Variants in NRBP1 observed in about 807,000 individuals in gnomAD.
NRBP1 encodes the protein nuclear receptor-binding protein.
Under a neutral mutation model 76.0 loss-of-function variants are expected in NRBP1, and 10 were observed. The observed-to-expected ratio is 0.13, with a 90% CI of 0.08 to 0.22. NRBP1 has a LOEUF of 0.22. Among genes scored for constraint, NRBP1 ranks in the 10% least tolerant of loss-of-function variants. NRBP1 has a pLI of 1.00. For synonymous variants in NRBP1, 235 were observed against 240.2 expected (o/e 0.98, Z 0.20); for missense variants, 344 against 646.0 (o/e 0.53, Z 5.07).
Position 27,441,838 on chromosome 2 carries a change from T to G in NRBP1, c.*26T>G, listed in dbSNP as rs753974931. ...AGCTCACTCGGGCCAGGCCCTGATC[T>G]GCGCTGTGGCTGTCCCTGGACGTGC... On this transcript the variant is annotated 3_prime_UTR_variant, in exon 18 of 18. Coordinates refer to ENST00000379852, the MANE Select transcript of NRBP1 (RefSeq NM_013392.4). 6.9e-7 allele frequency: 1 copy of G among 1,452,346 alleles called. No homozygotes were observed. The highest frequency in any genetic ancestry group is 1.2e-5 in the South Asian group (1 of 85,340). 90.0% of individuals were successfully genotyped at this position (1,452,346 alleles called of 1,614,324 possible).
chr2:27,434,293 T>C (rs948380905), intron 4 of NRBP1, among the ~76,000 whole-genome samples, 178 bp from the exon 5 acceptor site: 1 of 152,212 alleles, frequency 6.6e-6, no homozygotes, highest in African/African-American at 2.4e-5. Flanking sequence ...GAGTGAACTT[T>C]TGCTTCTTTC....
chr2:27,429,353 C>G (rs560952818), intron 1 of NRBP1: 2 of 152,538 alleles, frequency 1.3e-5, no homozygotes, highest in African/African-American at 2.4e-5. Flanking sequence ...CAGAGGCCCT[C>G]TGGTCCGTTC....
intron 1 of NRBP1, among the ~76,000 whole-genome samples, chr2:27,430,193 A>G (rs1015468569): frequency 6.6e-6 from 1 of 152,218 alleles, no homozygotes; most frequent in Non-Finnish European, 1.5e-5. Context: ...GTCAGGATCT[A>G]GAAAATAACA....
upstream of NRBP1, chr2:27,428,475 A>C: frequency 2.5e-6 from 1 of 393,564 alleles, no homozygotes; most frequent in East Asian, 3.6e-5. Flanking sequence ...TCTCGGCCGG[A>C]CCGGCGCAAG....
rs371384227 is a variant in NRBP1 at position 27,439,892 on chromosome 2, C to T, written c.1030C>T (p.His344Tyr). The T allele has an allele frequency of 1.9e-6, 3 of 1,606,404 alleles. No individual in the cohort carries two copies. The highest frequency in any genetic ancestry group is 1.3e-5 in the African/African-American group (1 of 74,810). The change falls in exon 11 of 18, where the codon CAC becomes TAC. Residue 344 changes from histidine (H) to tyrosine (Y), a missense_variant. His to Tyr is a moderately conservative substitution (Grantham distance 83). This residue lies in a region of NRBP1 where 218 missense variants were observed against 309.8 expected (regional missense o/e 0.70). Coordinates refer to ENST00000379852, the MANE Select transcript of NRBP1 (RefSeq NM_013392.4). ...CCTTGCGGCCCACTGCATTGTGGGA[C>T]ACCAACGTGAGTCGTCTTGGCCCTA... ...KLLAAHCIVG[H>Y]QHMIPENALE...
Position 27,437,361 on chromosome 2 carries a change from G to A in NRBP1, c.903+1G>A. ...GCTTCTAGAAGACCCATTACAGAGG[G>A]TAAGGATCTTCAGGATCACTCCCTC... On this transcript the variant is annotated splice_donor_variant, in intron 10 of 17. Transcript: ENST00000379852. LOFTEE classifies it high-confidence loss of function. The A allele has an allele frequency of 6.2e-7, 1 of 1,609,166 alleles. No individual in the cohort carries two copies. Among genetic ancestry groups the A allele is most frequent in the Non-Finnish European group, 8.5e-7 (1 of 1,175,756 alleles).
Position 27,437,352 on chromosome 2 carries a change from T to G in NRBP1, c.895T>G (p.Leu299Val). 1 of 1,612,016 alleles carries G rather than the reference T, an allele frequency of 6.2e-7. No individual in the cohort carries two copies. The highest frequency in any genetic ancestry group is 8.5e-7 in the Non-Finnish European group (1 of 1,178,222). The part of the protein sequence containing the change: ...SSAIQLLEDP[L>V]QREFIQKCLQ... ...TGCCATCCAGCTTCTAGAAGACCCATTACAGAGGGTAAGGATCTTCAGGAT... is the reference window on the plus strand; with the variant it reads ...TGCCATCCAGCTTCTAGAAGACCCAGTACAGAGGGTAAGGATCTTCAGGAT... Residue 299 changes from leucine to valine, a missense_variant, in exon 10 of 18, where the codon TTA becomes GTA. Physicochemically the swap from Leu to Val is conservative, Grantham distance 32. This residue lies in a region of NRBP1 where 218 missense variants were observed against 309.8 expected (regional missense o/e 0.70). Coordinates refer to ENST00000379852, the MANE Select transcript of NRBP1 (RefSeq NM_013392.4).
At chr2:27,435,456 G>A in intron 7 of NRBP1, 1 of 604,350 alleles carries the variant, frequency 1.7e-6, no homozygotes, top group Non-Finnish European at 2.9e-6. Flanking sequence ...TTAATACAGA[G>A]ATACTGATAA....
chr2:27,432,194 G>A (rs1209995477), intron 1 of NRBP1, among the ~76,000 whole-genome samples: 1 of 152,150 alleles, frequency 6.6e-6, no homozygotes, highest in East Asian at 1.9e-4. Context: ...GGTGTACTTG[G>A]GGATTCAAAG....
chr2:27,430,466 TTTC>T (rs1664066764), intron 1 of NRBP1, among the ~76,000 whole-genome samples: 1 of 115,692 alleles, frequency 8.6e-6, no homozygotes, highest in African/African-American at 3.8e-5. Context: ...TCTTTCTTTT[TTTC>T]TTTTTTTTTT....
chr2:27,432,522 G>A (rs1000431434), intron 1 of NRBP1, among the ~76,000 whole-genome samples: 4 of 152,094 alleles, frequency 2.6e-5, no homozygotes, highest in Non-Finnish European at 5.9e-5. Context: ...TCAAATGCCT[G>A]GCCTGTTTTA....
At chr2:27,435,826 G>A (rs1418872342) in intron 7 of NRBP1, 18 of 716,912 alleles carry the variant, frequency 2.5e-5, no homozygotes, top group South Asian at 1.5e-4. Flanking sequence ...GCATGCAGTC[G>A]TGGGAGCAAA....
intron 1 of NRBP1, among the ~76,000 whole-genome samples, chr2:27,430,493 T>C (rs936422170): frequency 7.1e-6 from 1 of 141,778 alleles, no homozygotes; most frequent in Non-Finnish European, 1.5e-5. Context: ...TTTTGAGTCA[T>C]AGTCTCACTC....
At position 27,442,059 on chromosome 2, in the gene NRBP1, A is replaced by G; in HGVS notation, c.*247A>G. 1.1e-5 allele frequency: 6 copies of G among 533,536 alleles called. No individual in the cohort carries two copies. The highest frequency in any genetic ancestry group is 2.0e-5 in the Non-Finnish European group (6 of 305,206). The allele number at this position is 533,536 out of a possible 1,614,324, so 33.1% of individuals were successfully genotyped here. ...TGGGCCTTCTCAGCAGCCGCCTTCT[A>G]GTTGGGGGCTAGTCGCTGATCTGCC... On this transcript the variant is annotated 3_prime_UTR_variant, in exon 18 of 18. Coordinates refer to ENST00000379852, the MANE Select transcript of NRBP1 (RefSeq NM_013392.4).
intron 1 of NRBP1, 58 bp from the exon 2 acceptor site, chr2:27,433,196 A>T: frequency 1.6e-6 from 2 of 1,262,510 alleles, no homozygotes; most frequent in Non-Finnish European, 2.3e-6. Flanking sequence ...CTAAATCTTT[A>T]CAGATGTATC....
Position 27,434,101 on chromosome 2 carries a change from T to C in NRBP1, c.435+11T>C. 2 of 1,579,112 alleles carry C rather than the reference T, an allele frequency of 1.3e-6. No homozygotes were observed. Among genetic ancestry groups the C allele is most frequent in the Non-Finnish European group, 1.7e-6 (2 of 1,149,570 alleles). Reference sequence around the variant, plus strand: ...GAGAACAAGGCCAGGGTAAGAATTTTTTCCCCATATTTCCTGAACTTATTG... The same window carrying C: ...GAGAACAAGGCCAGGGTAAGAATTTCTTCCCCATATTTCCTGAACTTATTG... On this transcript the variant is annotated intron_variant, in intron 4 of 17. Transcript: ENST00000379852.
At chr2:27,434,830 C>A in intron 6 of NRBP1, 68 bp downstream of exon 6, 2 of 1,448,090 alleles carry the variant, frequency 1.4e-6, no homozygotes, top group Non-Finnish European at 1.9e-6. Flanking sequence ...GATTTCAGGG[C>A]ACTACTCTTC....
At chr2:27,437,802 G>A (rs1664369154) in intron 10 of NRBP1, among the ~76,000 whole-genome samples, 1 of 151,994 alleles carries the variant, frequency 6.6e-6, no homozygotes, top group African/African-American at 2.4e-5. Flanking sequence ...GAACCCGGGA[G>A]GCAAAGCTTG....
At chr2:27,430,469 C>CTTTTTTTTTTTTTTTTTTT (rs977927783) in intron 1 of NRBP1, among the ~76,000 whole-genome samples, 1 of 138,688 alleles carries the variant, frequency 7.2e-6, no homozygotes. Context: ...TTCTTTTTTT[C>CTTTTTTTTTTTTTTTTTTT]TTTTTTTTTT....
Sources: allele counts gnomAD v4.1 joint callset (sites outside exome capture counted in the v4.1 genomes callset), GRCh38; gene constraint gnomAD v4.1.1; regional missense constraint gnomAD v4.1.1; transcripts MANE v1.5; gene names NCBI Gene and HGNC (gene_info 2026-07-23, HGNC 2026-07-21).